The following KDM2A variants were observed in gnomAD, a reference collection of about 807,000 sequenced individuals.
KDM2A encodes the protein lysine-specific demethylase 2A.
A neutral mutation model predicts 137.3 loss-of-function variants in KDM2A; 3 were observed. The observed-to-expected ratio is 0.02, with a 90% CI of 0.01 to 0.06. The LOEUF is 0.06. Ranked by LOEUF, KDM2A falls within the 10% of genes least tolerant of loss-of-function variation. The probability of loss-of-function intolerance (pLI) is 1.00; values close to 1 mark genes in which losing one functional copy is unlikely to be tolerated. For missense variants in KDM2A, 738 were observed against 1,510.6 expected (o/e 0.49, Z 8.48); for synonymous variants, 512 against 541.5 (o/e 0.95, Z 0.76).
chr11:67,177,139 C>T (rs536231189), intron 2 of KDM2A, among the ~76,000 whole-genome samples: 261 of 151,536 alleles, frequency 1.7e-3, no homozygotes, highest in South Asian at 8.0e-3. Flanking sequence ...GAGGCTGAGG[C>T]GAGAGAATCC....
At chr11:67,222,314 G>A (rs1858387533) in intron 10 of KDM2A, among the ~76,000 whole-genome samples, 2 of 56,790 alleles carry the variant, frequency 3.5e-5, no homozygotes, top group Admixed American at 3.9e-4. Context: ...GTTTAACAAA[G>A]CACATCTTGC....
intron 2 of KDM2A, among the ~76,000 whole-genome samples, chr11:67,158,542 G>T (rs1856569906): frequency 1.3e-5 from 2 of 152,194 alleles, no homozygotes; most frequent in African/African-American, 2.4e-5. Flanking sequence ...GAGAGTTCTT[G>T]TTGCTTTACC....
intron 2 of KDM2A, among the ~76,000 whole-genome samples, chr11:67,138,731 A>G (rs1856025966): frequency 6.6e-6 from 1 of 152,182 alleles, no homozygotes; most frequent in Admixed American, 6.5e-5. Flanking sequence ...CAGCGAGCCA[A>G]GATTGTGCCA....
intron 2 of KDM2A, among the ~76,000 whole-genome samples, chr11:67,167,500 T>TG (rs1856772876): frequency 6.6e-6 from 1 of 152,206 alleles, no homozygotes; most frequent in African/African-American, 2.4e-5. Flanking sequence ...AGTAGCTATT[T>TG]GACACTAGTT....
chr11:67,176,117 T>A (rs1856969445), intron 2 of KDM2A, among the ~76,000 whole-genome samples: 1 of 152,248 alleles, frequency 6.6e-6, no homozygotes, highest in South Asian at 2.1e-4. Context: ...GCCAAGTTAC[T>A]AGGTAAGAGA....
At chr11:67,136,048 AC>A (rs1326761742) in intron 2 of KDM2A, among the ~76,000 whole-genome samples, 1 of 152,128 alleles carries the variant, frequency 6.6e-6, no homozygotes, top group African/African-American at 2.4e-5. Context: ...CAGGCCAGAA[AC>A]CATTTTTGGG....
At chr11:67,207,439 A>T (rs1353245056) in intron 5 of KDM2A, 71 bp from the exon 6 acceptor site, 18 of 1,217,486 alleles carry the variant, frequency 1.5e-5, no homozygotes, top group East Asian at 5.5e-5. Flanking sequence ...TCTACTTTTT[A>T]AAAAATATTC....
chr11:67,153,333 T>C (rs1228773870), intron 2 of KDM2A, among the ~76,000 whole-genome samples: 2 of 152,122 alleles, frequency 1.3e-5, no homozygotes, highest in African/African-American at 2.4e-5. Flanking sequence ...GGAAAGGTGA[T>C]GCTTTTCTGT....
At position 67,252,717 on chromosome 11, in the gene KDM2A, C is replaced by T; in HGVS notation, c.2792C>T (p.Thr931Ile). The T allele has an allele frequency of 6.2e-7, 1 of 1,613,950 alleles. No homozygotes were observed. Reference sequence around the variant, plus strand: ...AGGTGCTGCGACAAGAGACTTTGGACAAAAATTGACTTGAGTAGGTGTAAG... The same window carrying T: ...AGGTGCTGCGACAAGAGACTTTGGATAAAAATTGACTTGAGTAGGTGTAAG... Reference protein sequence around the residue: ...YKWCCDKRLWTKIDLSRCKAI... With the variant: ...YKWCCDKRLWIKIDLSRCKAI... The change falls in exon 18 of 21, where the codon ACA (threonine) becomes ATA (isoleucine). Residue 931 changes from threonine to isoleucine, a missense_variant. Around this residue, in one of 9 missense-constraint regions of KDM2A, gnomAD observed 166 missense variants for 324.0 expected, o/e 0.51. Transcript: ENST00000529006.
intron 2 of KDM2A, among the ~76,000 whole-genome samples, chr11:67,176,687 T>C (rs1037648652): frequency 2.0e-5 from 3 of 152,200 alleles, no homozygotes; most frequent in African/African-American, 7.2e-5. Flanking sequence ...GCTACAAATC[T>C]GTACAGCATG....
intron 12 of KDM2A, among the ~76,000 whole-genome samples, chr11:67,240,660 C>G (rs955993449): frequency 9.9e-5 from 15 of 152,152 alleles, no homozygotes; most frequent in African/African-American, 3.4e-4. Context: ...AATGTTCTCC[C>G]GAATGCCTGG....
intron 2 of KDM2A, among the ~76,000 whole-genome samples, chr11:67,168,651 ACACACACACACACG>A (rs1856807426): frequency 2.0e-5 from 3 of 146,658 alleles, no homozygotes; most frequent in Non-Finnish European, 4.5e-5. Context: ...ACACACACAC[ACACACACACACACG>A]GTCGGGGGGA....
intron 2 of KDM2A, among the ~76,000 whole-genome samples, chr11:67,170,541 T>C (rs1213883519): frequency 6.6e-6 from 1 of 151,394 alleles, no homozygotes; most frequent in South Asian, 2.1e-4. Context: ...GCCTCCCGAG[T>C]AGCTGGGACT....
chr11:67,202,373 G>T (rs1355980336), intron 5 of KDM2A, among the ~76,000 whole-genome samples: 2 of 152,126 alleles, frequency 1.3e-5, no homozygotes, highest in East Asian at 3.8e-4. Context: ...TTTGAAAGAC[G>T]TTCTACCATG....
chr11:67,157,866 G>T (rs1856553234), intron 2 of KDM2A, among the ~76,000 whole-genome samples: 1 of 152,118 alleles, frequency 6.6e-6, no homozygotes, highest in Admixed American at 6.6e-5. Context: ...TCCAGGTGGG[G>T]CTCACTTGAG....
rs778473310 is a variant in KDM2A at position 67,245,181 on chromosome 11, C to G, written c.1564-8C>G. 1.6e-5 allele frequency: 26 copies of G among 1,611,872 alleles called. No homozygotes were observed. In the East Asian group the frequency reaches 5.4e-4, roughly 33 times the overall value. ...GATATATTTGACCTCACTGCTTTCT[C>G]TTTCCAGCTTAAATTCCCCACTCGG... On this transcript the variant is annotated splice_polypyrimidine_tract_variant and splice_region_variant and intron_variant, in intron 13 of 20. Coordinates refer to ENST00000529006, the MANE Select transcript of KDM2A (RefSeq NM_012308.3). This position sits in a 1 kb window ranked among gnomAD's most constrained non-coding sequence, Gnocchi z 4.1.
intron 10 of KDM2A, among the ~76,000 whole-genome samples, chr11:67,226,981 A>G (rs187344207): frequency 4.3e-4 from 65 of 152,276 alleles, no homozygotes; most frequent in East Asian, 2.5e-3. Context: ...GCAACAAAAT[A>G]TATTTAGGAT....
chr11:67,176,314 G>A (rs1856972556), intron 2 of KDM2A, among the ~76,000 whole-genome samples: 1 of 152,058 alleles, frequency 6.6e-6, no homozygotes, highest in Non-Finnish European at 1.5e-5. Flanking sequence ...TATCTCCAGT[G>A]TCTCATTTTC....
At chr11:67,240,163 T>TC in intron 12 of KDM2A, 1 of 1,477,616 alleles carries the variant, frequency 6.8e-7, no homozygotes, top group Non-Finnish European at 9.0e-7. Flanking sequence ...TGCACGCTGC[T>TC]CCCTCTGGGT....
Sources: allele counts gnomAD v4.1 joint callset (sites outside exome capture counted in the v4.1 genomes callset), GRCh38; gene constraint gnomAD v4.1.1; regional missense constraint gnomAD v4.1.1; non-coding constraint Gnocchi (gnomAD v3.1); transcripts MANE v1.5; gene names NCBI Gene and HGNC (gene_info 2026-07-23, HGNC 2026-07-21).